Variants in VGLL2 observed in about 807,000 individuals in gnomAD.
The protein encoded by VGLL2 is transcription cofactor vestigial-like protein 2.
In VGLL2, 18 loss-of-function variants were observed where a neutral mutation model predicts 27.0. That is an observed-to-expected ratio of 0.67 (90% CI 0.46 to 0.99). VGLL2 has a LOEUF of 0.99. VGLL2 is among the 50% of genes least tolerant of loss of function. The pLI is 0.00. For missense variants in VGLL2, 491 were observed against 452.3 expected (o/e 1.09, Z -0.78); for synonymous variants, 220 against 201.1 (o/e 1.09, Z -0.80).
At position 117,265,590 on chromosome 6, in the gene VGLL2, T is replaced by C; in HGVS notation, c.-174T>C. On this transcript the variant is annotated 5_prime_UTR_variant, in exon 1 of 4. Transcript: ENST00000326274. The stretch of plus-strand genomic sequence containing the variant: ...CCCTGGAGCGCGGTCGGGAGTAAAA[T>C]CGCAGGAGTGGGAGGGTAGCGAGCC... 2 of 617,038 alleles carry C rather than the reference T, an allele frequency of 3.2e-6. No individual in the cohort carries two copies. The highest frequency in any genetic ancestry group is 8.8e-4 in the Middle Eastern group (2 of 2,264). The allele number at this position is 617,038 out of a possible 1,614,324, so 38.2% of individuals were successfully genotyped here.
In VGLL2 at chr6:117,265,678, T is replaced by TCCAAG. The variant is rs1334042208; in HGVS notation, c.-84_-80dup. ...CCGCCTGATGACTCCAGAGCGCGGGTCCAAGCGCCGCCCATGCAGCACCCC... is the reference window on the plus strand; with the variant it reads ...CCGCCTGATGACTCCAGAGCGCGGGTCCAAGCCAAGCGCCGCCCATGCAGCACCCC... On this transcript the variant is annotated 5_prime_UTR_variant, in exon 1 of 4. Coordinates refer to ENST00000326274, the MANE Select transcript of VGLL2 (RefSeq NM_182645.3). 8.4e-7 allele frequency: 1 copy of TCCAAG among 1,197,304 alleles called. No homozygotes were observed. The highest frequency in any genetic ancestry group is 2.4e-5 in the East Asian group (1 of 41,558). The allele number at this position is 1,197,304 out of a possible 1,614,324, so 74.2% of individuals were successfully genotyped here. A position where few individuals can be genotyped will look rare whatever the true frequency, so the allele number is the denominator to read the frequency against.
chr6:117,270,740 G>A lies in VGLL2; in HGVS notation c.589G>A (p.Ala197Thr), dbSNP rs1773171043. Residue 197 changes from alanine to threonine, a missense_variant, in exon 3 of 4, where the codon GCG (alanine) becomes ACG (threonine). Transcript: ENST00000326274. ...GGGCGCCACGGAGCCCTGGCACCAC[G>A]CGCACCCGCACCACGCGCACCCGCA... ...HQGATEPWHH[A>T]HPHHAHPHHP... 3 of 1,517,116 alleles carry A rather than the reference G, an allele frequency of 2.0e-6. No homozygotes were observed. Among genetic ancestry groups the A allele is most frequent in the Non-Finnish European group, 2.6e-6 (3 of 1,142,434 alleles). The allele number at this position is 1,517,116 out of a possible 1,614,324, so 94.0% of individuals were successfully genotyped here. A position where few individuals can be genotyped will look rare whatever the true frequency, so the allele number is the denominator to read the frequency against.
At position 117,270,990 on chromosome 6, in the gene VGLL2, G is replaced by A; in HGVS notation, c.839G>A (p.Trp280Ter). 8.1e-7 allele frequency: 1 copy of A among 1,232,730 alleles called. No individual in the cohort carries two copies. The highest frequency in any genetic ancestry group is 1.0e-6 in the Non-Finnish European group (1 of 991,242). The allele number at this position is 1,232,730 out of a possible 1,614,324, so 76.4% of individuals were successfully genotyped here. A position where few individuals can be genotyped will look rare whatever the true frequency, so the allele number is the denominator to read the frequency against. The change falls in exon 3 of 4, where the codon TGG (tryptophan) becomes TAG (stop). Residue 280 changes from tryptophan (W) to a stop codon, truncating the protein, a stop_gained. Transcript: ENST00000326274. LOFTEE classifies it high-confidence loss of function. ...AAAGGCGAGCCGGCGGGCGCCGCGT[G>A]GGCCGGGCCCGGGGGACCCTTCGCG... ...SGKGEPAGAA[W>*]AGPGGPFASP...
Position 117,270,943 on chromosome 6 carries a change from T to C in VGLL2, c.792T>C (p.Ser264=). 1 of 1,240,588 alleles carries C rather than the reference T, an allele frequency of 8.1e-7. No individual in the cohort carries two copies. Among genetic ancestry groups the C allele is most frequent in the Non-Finnish European group, 1.0e-6 (1 of 997,540 alleles). 76.8% of individuals were successfully genotyped at this position (1,240,588 alleles called of 1,614,324 possible). A position where few individuals can be genotyped will look rare whatever the true frequency, so the allele number is the denominator to read the frequency against. ...LATAPAPAPG[S]PPCELSGKGE... ...CCGCCCCGGCGCCCGCGCCCGGCAG[T>C]CCTCCCTGCGAGCTCTCCGGCAAAG... Residue 264 remains serine (S), a synonymous_variant, in exon 3 of 4, where the codon AGT becomes AGC. Coordinates refer to ENST00000326274, the MANE Select transcript of VGLL2 (RefSeq NM_182645.3).
chr6:117,272,388 T>C, intron 3 of VGLL2, 66 bp from the exon 4 acceptor site: 1 of 1,613,996 alleles, frequency 6.2e-7, no homozygotes, highest in East Asian at 2.2e-5. Flanking sequence ...CTCTGCATAG[T>C]GCAATTGATG....
chr6:117,272,617 T>G lies in VGLL2; in HGVS notation c.*123T>G. 6.9e-7 allele frequency: 1 copy of G among 1,445,766 alleles called. No homozygotes were observed. The highest frequency in any genetic ancestry group is 9.4e-7 in the Non-Finnish European group (1 of 1,065,828). 89.6% of individuals were successfully genotyped at this position (1,445,766 alleles called of 1,614,324 possible). A position where few individuals can be genotyped will look rare whatever the true frequency, so the allele number is the denominator to read the frequency against. On this transcript the variant is annotated 3_prime_UTR_variant, in exon 4 of 4. Coordinates refer to ENST00000326274, the MANE Select transcript of VGLL2 (RefSeq NM_182645.3). ...GGCAGAGACTTCAGACTTCTCAGTG[T>G]GTTGGGAAAACCAAAAACCACAACT...
At chr6:117,269,373 T>C (rs1773134152) in intron 2 of VGLL2, among the ~76,000 whole-genome samples, 1 of 152,220 alleles carries the variant, frequency 6.6e-6, no homozygotes, top group African/African-American at 2.4e-5. Context: ...AGGGGGACTT[T>C]GTTGTAAAAA....
In VGLL2 at chr6:117,265,759, G is replaced by A; in HGVS notation, c.-5G>A. 1.2e-6 allele frequency: 2 copies of A among 1,613,818 alleles called. No homozygotes were observed. Among genetic ancestry groups the A allele is most frequent in the Non-Finnish European group, 8.5e-7 (1 of 1,179,702 alleles). On this transcript the variant is annotated 5_prime_UTR_variant, in exon 1 of 4. Coordinates refer to ENST00000326274, the MANE Select transcript of VGLL2 (RefSeq NM_182645.3). ...AACACTTAACCGTCTCCGCTGCGGA[G>A]AGTCATGAGCTGTCTGGATGTTATG...
chr6:117,272,633 A>C lies in VGLL2; in HGVS notation c.*139A>C. ...TTCTCAGTGTGTTGGGAAAACCAAAAACCACAACTACAGAAATTCATCTAA... is the reference window on the plus strand; with the variant it reads ...TTCTCAGTGTGTTGGGAAAACCAAACACCACAACTACAGAAATTCATCTAA... On this transcript the variant is annotated 3_prime_UTR_variant, in exon 4 of 4. Coordinates refer to ENST00000326274, the MANE Select transcript of VGLL2 (RefSeq NM_182645.3). 2 of 1,172,208 alleles carry C rather than the reference A, an allele frequency of 1.7e-6. No homozygotes were observed. Among genetic ancestry groups the C allele is most frequent in the Non-Finnish European group, 2.4e-6 (2 of 824,876 alleles). 72.6% of individuals were successfully genotyped at this position (1,172,208 alleles called of 1,614,324 possible).
rs1414319091 is a variant in VGLL2, at chr6:117,273,428, C to T, written c.*934C>T. 1 of 152,092 alleles carries T rather than the reference C, an allele frequency of 6.6e-6. No homozygotes were observed. Among genetic ancestry groups the T allele is most frequent in the Non-Finnish European group, 1.5e-5 (1 of 68,038 alleles). 9.4% of individuals were successfully genotyped at this position (152,092 alleles called of 1,614,324 possible). On this transcript the variant is annotated 3_prime_UTR_variant, in exon 4 of 4. Coordinates refer to ENST00000326274, the MANE Select transcript of VGLL2 (RefSeq NM_182645.3). The stretch of plus-strand genomic sequence containing the variant: ...AGAAATGTACATGAAGTCTCCATTA[C>T]CTCGAATTTTTTTCTCAGTCTCACT...
chr6:117,272,173 C>T (rs1655438019), intron 3 of VGLL2: 1 of 296,196 alleles, frequency 3.4e-6, no homozygotes, highest in African/African-American at 2.3e-5. Flanking sequence ...TTCTTTCTCC[C>T]TCCCTTTGTC....
At chr6:117,272,307 A>G in intron 3 of VGLL2, 147 bp from the exon 4 acceptor site, 1 of 1,489,214 alleles carries the variant, frequency 6.7e-7, no homozygotes, top group Non-Finnish European at 8.9e-7. Flanking sequence ...CTCTATTTTC[A>G]GGTTTGCAGC....
Position 117,265,659 on chromosome 6 carries a change from G to A in VGLL2, c.-105G>A, listed in dbSNP as rs1773049101. The A allele has an allele frequency of 6.4e-6, 6 of 934,776 alleles. No homozygotes were observed. The highest frequency in any genetic ancestry group is 6.0e-5 in the Admixed American group (3 of 50,368). 57.9% of individuals were successfully genotyped at this position (934,776 alleles called of 1,614,324 possible). A position where few individuals can be genotyped will look rare whatever the true frequency, so the allele number is the denominator to read the frequency against. ...GGAGCGCGCTGGCTTTGCTCCGCCT[G>A]ATGACTCCAGAGCGCGGGTCCAAGC... On this transcript the variant is annotated 5_prime_UTR_variant, in exon 1 of 4. Coordinates refer to ENST00000326274, the MANE Select transcript of VGLL2 (RefSeq NM_182645.3).
chr6:117,272,187 C>T, intron 3 of VGLL2: 2 of 424,912 alleles, frequency 4.7e-6, no homozygotes, highest in Non-Finnish European at 3.1e-6. Flanking sequence ...CTTTGTCTTC[C>T]TCCTCCTCCT....
At chr6:117,267,849 C>G (rs982759258) in intron 1 of VGLL2, among the ~76,000 whole-genome samples, 2 of 152,196 alleles carry the variant, frequency 1.3e-5, no homozygotes, top group Admixed American at 6.5e-5. Context: ...TGCCCTGAGC[C>G]CAGCTATGAG....
Position 117,265,730 on chromosome 6 carries a change from A to G in VGLL2, c.-34A>G. The stretch of plus-strand genomic sequence containing the variant: ...GAGCTCCGGGGAAGGAGAGTTAATG[A>G]AAAAACACTTAACCGTCTCCGCTGC... On this transcript the variant is annotated 5_prime_UTR_variant, in exon 1 of 4. Coordinates refer to ENST00000326274, the MANE Select transcript of VGLL2 (RefSeq NM_182645.3). 1 of 1,598,390 alleles carries G rather than the reference A, an allele frequency of 6.3e-7. No homozygotes were observed. Among genetic ancestry groups the G allele is most frequent in the Non-Finnish European group, 8.6e-7 (1 of 1,165,884 alleles).
At chr6:117,273,595 T>C (rs1773248958), downstream of VGLL2, 1 of 152,060 alleles carries the variant, frequency 6.6e-6, no homozygotes, top group Admixed American at 6.6e-5. Context: ...AAAAAGAAAA[T>C]AAATAACTTA....
At chr6:117,272,251 T>A (rs1486109589) in intron 3 of VGLL2, 1 of 941,800 alleles carries the variant, frequency 1.1e-6, no homozygotes, top group Non-Finnish European at 1.3e-6. Flanking sequence ...TCTCTCCCTC[T>A]CCCTCTCTTT....
In VGLL2 at chr6:117,268,308, C is replaced by A. The variant is rs1262565538; in HGVS notation, c.208C>A (p.Pro70Thr). The change falls in exon 2 of 4, where the codon CCA (proline) becomes ACA (threonine). Residue 70 changes from proline (P) to threonine (T), a missense_variant. By Grantham distance (38) the Pro-to-Thr change is conservative (BLOSUM62 -1). Coordinates refer to ENST00000326274, the MANE Select transcript of VGLL2 (RefSeq NM_182645.3). ...CAGTATAAAAGAGGAAGAAGGCAGCCCAGAGAAAGAGCGCCCACCAGAGGC... is the reference window on the plus strand; with the variant it reads ...CAGTATAAAAGAGGAAGAAGGCAGCACAGAGAAAGAGCGCCCACCAGAGGC... Reference protein sequence around the residue: ...PASIKEEEGSPEKERPPEAEY... With the variant: ...PASIKEEEGSTEKERPPEAEY... The A allele has an allele frequency of 6.2e-7, 1 of 1,614,146 alleles. No individual in the cohort carries two copies. Among genetic ancestry groups the A allele is most frequent in the Admixed American group, 1.7e-5 (1 of 60,022 alleles).
Sources: gnomAD v4.1 joint callset for allele counts (sites outside exome capture counted in the v4.1 genomes callset) on GRCh38, gnomAD v4.1.1 for gene constraint, MANE v1.5 for transcripts, NCBI Gene and HGNC (gene_info 2026-07-23, HGNC 2026-07-21) for gene names.